HP1BP3: variants seen among roughly 807,000 people sequenced by gnomAD.
HP1BP3 encodes the protein heterochromatin protein 1 binding protein 3, also known as heterochromatin protein 1-binding protein 3.
In HP1BP3, 12 loss-of-function variants were observed where a neutral mutation model predicts 62.5. The observed-to-expected ratio is 0.19, with a 90% CI of 0.12 to 0.31. The LOEUF (loss-of-function observed/expected upper bound fraction) is 0.31, where lower values mean the gene tolerates loss of function less well. Among genes scored for constraint, HP1BP3 ranks in the 10% least tolerant of loss-of-function variants. The pLI is 1.00. For synonymous variants in HP1BP3, 260 were observed against 237.8 expected, an observed-to-expected ratio of 1.09 and a Z score of -0.86; for missense variants, 502 against 651.8, an observed-to-expected ratio of 0.77 and a Z score of 2.50.
In HP1BP3 at chr1:20,744,932, G is replaced by C. The variant is rs377155829; in HGVS notation, c.1527C>G (p.Thr509=). 2.2e-5 allele frequency: 35 copies of C among 1,614,160 alleles called. No individual in the cohort carries two copies. In the African/African-American group the frequency reaches 3.3e-4, roughly 15 times the overall value. ...TCTTGATGACTGTGGATGAGGGTCT[G>C]GTCTTCTTGGCAGGCGTTTTGGCCT... The part of the protein sequence containing the change: ...PPKAKTPAKK[T]RPSSTVIKKP... Residue 509 remains threonine (T), a synonymous_variant, in exon 13 of 13, where the codon ACC becomes ACG. Transcript: ENST00000438032.
intron 11 of HP1BP3, among the ~76,000 whole-genome samples, chr1:20,747,111 G>A (rs550457699): frequency 6.6e-6 from 1 of 152,170 alleles, no homozygotes; most frequent in Non-Finnish European, 1.5e-5. Context: ...ACCATCCGAG[G>A]ATCTCAAATA....
intron 5 of HP1BP3, among the ~76,000 whole-genome samples, chr1:20,773,249 T>C (rs1480881900): frequency 1.3e-5 from 2 of 151,994 alleles, no homozygotes; most frequent in Non-Finnish European, 2.9e-5. Flanking sequence ...ATATTAAATA[T>C]AATTTTTTTA....
chr1:20,781,751 T>C (rs1394159379), intron 1 of HP1BP3, among the ~76,000 whole-genome samples: 1 of 152,146 alleles, frequency 6.6e-6, no homozygotes, highest in African/African-American at 2.4e-5. Flanking sequence ...CTCACCTTCC[T>C]GAGTAGCTGG....
At chr1:20,766,446 G>C (rs1012115869) in intron 7 of HP1BP3, among the ~76,000 whole-genome samples, 8 of 150,596 alleles carry the variant, frequency 5.3e-5, no homozygotes, top group Non-Finnish European at 1.0e-4. Context: ...CTTCAGAGTT[G>C]TAAAACAAAA....
chr1:20,783,642 T>C (rs563871085), intron 1 of HP1BP3, among the ~76,000 whole-genome samples: 11 of 151,588 alleles, frequency 7.3e-5, no homozygotes, highest in East Asian at 1.9e-4. Context: ...TTTAGAATAG[T>C]TGGGTTAGTC....
At chr1:20,786,063 CG>C (rs1295561720) in intron 1 of HP1BP3, 1 of 152,090 alleles carries the variant, frequency 6.6e-6, no homozygotes, top group Non-Finnish European at 1.5e-5. Context: ...CACGCGGATG[CG>C]GCAGCACAGT....
intron 3 of HP1BP3, among the ~76,000 whole-genome samples, chr1:20,777,636 T>C (rs1326694110): frequency 6.6e-6 from 1 of 152,114 alleles, no homozygotes; most frequent in African/African-American, 2.4e-5. Context: ...TTTTTTGTAT[T>C]TTTAGTAGTG....
chr1:20,751,545 T>C (rs1199028302), intron 9 of HP1BP3, among the ~76,000 whole-genome samples: 1 of 151,854 alleles, frequency 6.6e-6, no homozygotes, highest in Non-Finnish European at 1.5e-5. Context: ...GGCAACATAG[T>C]GAGACTCTCT....
intron 9 of HP1BP3, among the ~76,000 whole-genome samples, chr1:20,755,173 A>AT (rs1311559609): frequency 3.3e-5 from 5 of 152,206 alleles, no homozygotes; most frequent in Non-Finnish European, 5.9e-5. Context: ...AACATCAGTA[A>AT]TTATTAGGGA....
chr1:20,754,393 C>T (rs754463830), intron 9 of HP1BP3, among the ~76,000 whole-genome samples: 7 of 151,838 alleles, frequency 4.6e-5, no homozygotes, highest in Admixed American at 1.3e-4. Flanking sequence ...GAAAACTCAA[C>T]GTTGTTGACA....
chr1:20,751,879 T>C (rs1198397065), intron 9 of HP1BP3, among the ~76,000 whole-genome samples: 1 of 152,082 alleles, frequency 6.6e-6, no homozygotes, highest in Non-Finnish European at 1.5e-5. Flanking sequence ...AACTGTTTAG[T>C]GGTTCTTAAA....
chr1:20,752,186 C>T (rs1475574087), intron 9 of HP1BP3, among the ~76,000 whole-genome samples: 2 of 151,826 alleles, frequency 1.3e-5, no homozygotes, highest in Non-Finnish European at 2.9e-5. Context: ...CGCTTGAACC[C>T]GGGAGGTGGA....
rs202181668 is a variant in HP1BP3, at chr1:20,757,378, T to A, written c.891-122A>T. ...GATTACTATTATTATTATTATTTTT[T>A]TTTTTTTTTTGAGGTGGAGTTTTGC... On this transcript the variant is annotated intron_variant, in intron 8 of 12. Coordinates refer to ENST00000438032, the MANE Select transcript of HP1BP3 (RefSeq NM_001372052.1). 7.4e-3 allele frequency: 2,054 copies of A among 277,014 alleles called. 1 individual carries two copies. Among genetic ancestry groups the A allele is most frequent in the Non-Finnish European group, 9.3e-3 (1,534 of 165,488 alleles). The allele number at this position is 277,014 out of a possible 1,614,324, so 17.2% of individuals were successfully genotyped here. A position where few individuals can be genotyped will look rare whatever the true frequency, so the allele number is the denominator to read the frequency against.
intron 11 of HP1BP3, among the ~76,000 whole-genome samples, chr1:20,746,986 C>G (rs1353161402): frequency 6.6e-5 from 10 of 152,128 alleles, no homozygotes; most frequent in Admixed American, 5.2e-4. Context: ...ACTGCTCCAG[C>G]CTGGGCGATA....
rs563000307 is a variant in HP1BP3 at position 20,743,930 on chromosome 1, G to C, written c.*867C>G. 1 of 152,058 alleles carries C rather than the reference G, an allele frequency of 6.6e-6. No individual in the cohort carries two copies. Among genetic ancestry groups the C allele is most frequent in the Non-Finnish European group, 1.5e-5 (1 of 68,078 alleles). The allele number at this position is 152,058 out of a possible 1,614,324, so 9.4% of individuals were successfully genotyped here. Reference sequence around the variant, plus strand: ...TAAAAATACAAAAAAATTGCCAGGCGTGGTGGTACACACCTGTAATCCCAG... The same window carrying C: ...TAAAAATACAAAAAAATTGCCAGGCCTGGTGGTACACACCTGTAATCCCAG... On this transcript the variant is annotated 3_prime_UTR_variant, in exon 13 of 13. Transcript: ENST00000438032.
In HP1BP3 at chr1:20,744,690, G is replaced by A. The variant is rs534825483; in HGVS notation, c.*107C>T. ...AGTCCCTCCCCACAATGTTCATAGG[G>A]GAGGAAAATAATGTAATTTGAAAAG... On this transcript the variant is annotated 3_prime_UTR_variant, in exon 13 of 13. Transcript: ENST00000438032. The A allele has an allele frequency of 1.9e-6, 2 of 1,072,566 alleles. No individual in the cohort carries two copies. Among genetic ancestry groups the A allele is most frequent in the South Asian group, 1.6e-5 (1 of 63,150 alleles). The allele number at this position is 1,072,566 out of a possible 1,614,324, so 66.4% of individuals were successfully genotyped here. A position where few individuals can be genotyped will look rare whatever the true frequency, so the allele number is the denominator to read the frequency against.
intron 5 of HP1BP3, among the ~76,000 whole-genome samples, chr1:20,772,657 AATC>A (rs1287884058): frequency 3.9e-5 from 6 of 152,012 alleles, no homozygotes. Flanking sequence ...TTCTGGTTAA[AATC>A]ATCTGTATCC....
At chr1:20,750,325 ACACAC>A (rs2055639810) in intron 9 of HP1BP3, 1 of 2,008 alleles carries the variant, frequency 5.0e-4, no homozygotes, top group African/African-American at 3.4e-3. Context: ...TACTAAAAAC[ACACAC>A]ACACACACAC....
chr1:20,781,734 C>G (rs1173575054), intron 1 of HP1BP3, among the ~76,000 whole-genome samples: 2 of 152,200 alleles, frequency 1.3e-5, no homozygotes, highest in Non-Finnish European at 2.9e-5. Context: ...TCAAGCGATT[C>G]TCCTGCCTCA....
Sources: allele counts gnomAD v4.1 joint callset (sites outside exome capture counted in the v4.1 genomes callset), GRCh38; gene constraint gnomAD v4.1.1; transcripts MANE v1.5; gene names NCBI Gene and HGNC (gene_info 2026-07-23, HGNC 2026-07-21).